The following MET variants were observed in gnomAD, a reference collection of about 807,000 sequenced individuals.
MET encodes MET proto-oncogene, receptor tyrosine kinase.
MET carries 48 observed loss-of-function variants against 133.1 expected under a neutral mutation model. The observed-to-expected ratio is 0.36, with a 90% CI of 0.29 to 0.46. The LOEUF (loss-of-function observed/expected upper bound fraction) is 0.46. MET is among the 20% of genes least tolerant of loss of function. The probability of loss-of-function intolerance (pLI) is 1.00; values close to 1 mark genes in which losing one functional copy is unlikely to be tolerated. For synonymous variants in MET, 628 were observed against 616.5 expected, an observed-to-expected ratio of 1.02 and a Z score of -0.28; for missense variants, 1,442 against 1,695.9, an observed-to-expected ratio of 0.85 and a Z score of 2.63.
intron 19 of MET, among the ~76,000 whole-genome samples, chr7:116,791,897 G>A (rs558933063): frequency 7.2e-5 from 11 of 152,056 alleles, no homozygotes; most frequent in Non-Finnish European, 1.5e-4. Context: ...CAAGTGATCC[G>A]CCTGCCTTGG....
At chr7:116,771,106 C>T (rs73716769) in intron 12 of MET, among the ~76,000 whole-genome samples, 2,650 of 152,282 alleles carry the variant, frequency 0.017, 86 homozygotes, top group African/African-American at 0.061. Context: ...TCCACCCCAC[C>T]GTCCAGGACA....
At chr7:116,779,533 C>T (rs2117051533) in intron 17 of MET, among the ~76,000 whole-genome samples, 1 of 152,280 alleles carries the variant, frequency 6.6e-6, no homozygotes, top group Non-Finnish European at 1.5e-5. Flanking sequence ...ACCACCCACC[C>T]TCATGGCTTC....
At chr7:116,777,746 A>G (rs1028324917) in intron 16 of MET, among the ~76,000 whole-genome samples, 16 of 152,196 alleles carry the variant, frequency 1.1e-4, no homozygotes, top group Admixed American at 1.3e-4. Context: ...TTGGTTTATA[A>G]TATTTGTTTT....
chr7:116,674,034 A>G (rs950624770), intron 1 of MET, among the ~76,000 whole-genome samples: 5 of 152,220 alleles, frequency 3.3e-5, no homozygotes, highest in Admixed American at 3.3e-4. Context: ...TAAAAATTCT[A>G]TTCCGTTTTC....
intron 19 of MET, among the ~76,000 whole-genome samples, chr7:116,788,469 C>T (rs1404611923): frequency 6.6e-6 from 1 of 152,028 alleles, no homozygotes; most frequent in Non-Finnish European, 1.5e-5. Context: ...GCAACAATAC[C>T]CCCACCTCCC....
intron 2 of MET, among the ~76,000 whole-genome samples, chr7:116,728,390 G>A (rs1792875509): frequency 6.6e-6 from 1 of 152,184 alleles, no homozygotes; most frequent in Non-Finnish European, 1.5e-5. Context: ...TCCTGAAGGA[G>A]AAGACTTGAA....
At chr7:116,779,004 A>T (rs747003224) in intron 17 of MET, 47 bp downstream of exon 17, 3 of 1,598,714 alleles carry the variant, frequency 1.9e-6, no homozygotes, top group Middle Eastern at 1.9e-4. Flanking sequence ...GCTGTAAGCC[A>T]GCCATCCCTT....
In MET at chr7:116,796,409, A is replaced by T. The variant is rs902013283; in HGVS notation, c.*285A>T. The T allele has an allele frequency of 4.1e-6, 2 of 491,622 alleles. No homozygotes were observed. Among genetic ancestry groups the T allele is most frequent in the African/African-American group, 3.8e-5 (2 of 52,326 alleles). The allele number at this position is 491,622 out of a possible 1,614,324, so 30.5% of individuals were successfully genotyped here. On this transcript the variant is annotated 3_prime_UTR_variant, in exon 21 of 21. Coordinates refer to ENST00000397752, the MANE Select transcript of MET (RefSeq NM_000245.4). ...TTCTGGGTTGAATTTTTTAAAAATC[A>T]GGTACCACTTGATTTCATATGGGAA...
intron 19 of MET, among the ~76,000 whole-genome samples, chr7:116,785,870 C>T (rs1449682996): frequency 1.3e-5 from 2 of 152,216 alleles, no homozygotes; most frequent in Non-Finnish European, 2.9e-5. Flanking sequence ...GAAGCAAAAG[C>T]TGGACTCAGA....
In MET at chr7:116,699,667, T is replaced by A. The variant is rs2116592550; in HGVS notation, c.583T>A (p.Phe195Ile). The change falls in exon 2 of 21, where the codon TTC becomes ATC. Residue 195 changes from phenylalanine to isoleucine, a missense_variant. By Grantham distance (21) the Phe-to-Ile change is conservative (BLOSUM62 0). Coordinates refer to ENST00000397752, the MANE Select transcript of MET (RefSeq NM_000245.4). ...ATCTGTAAAGGACCGGTTCATCAAC[T>A]TCTTTGTAGGCAATACCATAAATTC... ...LSSVKDRFIN[F>I]FVGNTINSSY... 1 of 1,614,058 alleles carries A rather than the reference T, an allele frequency of 6.2e-7. No individual in the cohort carries two copies. Among genetic ancestry groups the A allele is most frequent in the Non-Finnish European group, 8.5e-7 (1 of 1,179,982 alleles).
intron 2 of MET, among the ~76,000 whole-genome samples, chr7:116,712,879 G>A (rs1392825301): frequency 6.6e-6 from 1 of 152,138 alleles, no homozygotes; most frequent in Non-Finnish European, 1.5e-5. Flanking sequence ...GAGAAAGAGG[G>A]AATACTTTCT....
chr7:116,674,936 C>T (rs1796102978), intron 1 of MET, among the ~76,000 whole-genome samples: 1 of 152,200 alleles, frequency 6.6e-6, no homozygotes, highest in African/African-American at 2.4e-5. Context: ...ACTCAATTTC[C>T]TCATTGTGCC....
chr7:116,719,665 T>C (rs2116703881), intron 2 of MET, among the ~76,000 whole-genome samples: 1 of 152,350 alleles, frequency 6.6e-6, no homozygotes, highest in Non-Finnish European at 1.5e-5. Flanking sequence ...TAAATTTTTG[T>C]ATAAGGTGTA....
intron 1 of MET, among the ~76,000 whole-genome samples, chr7:116,681,966 A>G (rs1796376706): frequency 6.6e-6 from 1 of 152,204 alleles, no homozygotes; most frequent in Non-Finnish European, 1.5e-5. Flanking sequence ...CCTAACATAA[A>G]TGAATATGCA....
intron 5 of MET, among the ~76,000 whole-genome samples, chr7:116,754,962 AG>A (rs1417185865): frequency 3.3e-4 from 48 of 144,472 alleles, no homozygotes; most frequent in South Asian, 1.3e-3. Context: ...AGAAAGAAAG[AG>A]AAGGAAGGAA....
chr7:116,763,318 G>T lies in MET; in HGVS notation c.2583+50G>T. 1 of 1,495,128 alleles carries T rather than the reference G, an allele frequency of 6.7e-7. No homozygotes were observed. Among genetic ancestry groups the T allele is most frequent in the Non-Finnish European group, 9.3e-7 (1 of 1,077,816 alleles). The allele number at this position is 1,495,128 out of a possible 1,614,324, so 92.6% of individuals were successfully genotyped here. ...TTAAATCATCAGCTCAAACTTAATT[G>T]ACTTCATAGCTATGTGAATACAATT... On this transcript the variant is annotated intron_variant, in intron 11 of 20. Coordinates refer to ENST00000397752, the MANE Select transcript of MET (RefSeq NM_000245.4).
intron 2 of MET, among the ~76,000 whole-genome samples, chr7:116,710,405 G>A (rs900348407): frequency 1.7e-4 from 26 of 152,164 alleles, no homozygotes; most frequent in African/African-American, 6.0e-4. Context: ...AAGTAATACC[G>A]TAGTATGGTA....
intron 5 of MET, 130 bp from the exon 6 acceptor site, chr7:116,755,225 T>C (rs999048739): frequency 3.6e-5 from 41 of 1,134,346 alleles, no homozygotes; most frequent in Non-Finnish European, 5.0e-5. Flanking sequence ...AATTAAATTT[T>C]TACTAAATTG....
At chr7:116,750,027 A>C (rs549146218) in intron 5 of MET, among the ~76,000 whole-genome samples, 6 of 152,214 alleles carry the variant, frequency 3.9e-5, no homozygotes, top group Non-Finnish European at 8.8e-5. Flanking sequence ...TATACATTCA[A>C]TGCTATCCCC....
Sources: gnomAD v4.1 joint callset for allele counts (sites outside exome capture counted in the v4.1 genomes callset) on GRCh38, gnomAD v4.1.1 for gene constraint, MANE v1.5 for transcripts, NCBI Gene and HGNC (gene_info 2026-07-23, HGNC 2026-07-21) for gene names.